The following OTC variants were observed in gnomAD, a reference collection of about 807,000 sequenced individuals.
The protein encoded by OTC is ornithine transcarbamylase, mitochondrial.
Under a neutral mutation model 30.3 loss-of-function variants are expected in OTC, and 3 were observed. That is an observed-to-expected ratio of 0.10 (90% CI 0.05 to 0.26). OTC has a LOEUF of 0.26. OTC is among the 10% of genes least tolerant of loss of function. The probability of loss-of-function intolerance (pLI) is 1.00; values close to 1 mark genes in which losing one functional copy is unlikely to be tolerated. For missense variants in OTC, 194 were observed against 260.3 expected, an observed-to-expected ratio of 0.75 and a Z score of 1.75; for synonymous variants, 111 against 99.7, an observed-to-expected ratio of 1.11 and a Z score of -0.67.
chrX:38,422,600 T>C (rs543547933), downstream of OTC, among the ~76,000 whole-genome samples: 2 of 112,275 alleles, frequency 1.8e-5, no homozygotes, highest in Non-Finnish European at 3.8e-5. Flanking sequence ...GAACTTGTAA[T>C]AATTTTCTTG....
At chrX:38,409,300 C>G (rs1453576658) in intron 8 of OTC, among the ~76,000 whole-genome samples, 1 of 111,885 alleles carries the variant, frequency 8.9e-6, no homozygotes, top group African/African-American at 3.2e-5. Flanking sequence ...GTGTTTTACT[C>G]TTTGTGTGTT....
chrX:38,346,156 A>T, the OTC span, among the ~76,000 whole-genome samples: 1 of 112,067 alleles, frequency 8.9e-6, no homozygotes, highest in Non-Finnish European at 1.9e-5. Context: ...TATTTAACAG[A>T]TATTTTACCA....
downstream of OTC, among the ~76,000 whole-genome samples, chrX:38,421,845 T>C (rs1017136597): frequency 8.9e-6 from 1 of 111,875 alleles, no homozygotes; most frequent in African/African-American, 3.2e-5. Flanking sequence ...TTTTCACATC[T>C]GTGCTTATCA....
intron 1 of OTC, among the ~76,000 whole-genome samples, chrX:38,362,860 T>C (rs1416547841): frequency 8.9e-6 from 1 of 112,010 alleles, no homozygotes; most frequent in Non-Finnish European, 1.9e-5. Flanking sequence ...CCTGTTTCCT[T>C]TTATGGAAAT....
chrX:38,345,837 G>A, the OTC span, among the ~76,000 whole-genome samples: 4 of 111,016 alleles, frequency 3.6e-5, no homozygotes, highest in South Asian at 3.8e-4. Flanking sequence ...CACCGTGCCC[G>A]ACCCTAAACC....
In OTC at chrX:38,367,531, A is replaced by G; in HGVS notation, c.216+102A>G. 3 of 706,146 alleles carry G rather than the reference A, an allele frequency of 4.2e-6. No homozygotes were observed. In the South Asian group the frequency reaches 7.1e-5, roughly 17 times the overall value. The allele number at this position is 706,146 out of a possible 1,213,427, so 58.2% of individuals were successfully genotyped here. ...GAAAAAAATACATTAAAATTCTTAA[A>G]CAGTAGCTAAGTAATGAAACCTCAC... On this transcript the variant is annotated intron_variant, in intron 2 of 9. Coordinates refer to ENST00000039007, the MANE Select transcript of OTC (RefSeq NM_000531.6).
At chrX:38,396,170 C>A (rs866920212) in intron 4 of OTC, among the ~76,000 whole-genome samples, 20 of 107,634 alleles carry the variant, frequency 1.9e-4, no homozygotes, top group Admixed American at 1.2e-3. Flanking sequence ...CCATGTTAGC[C>A]AAGCTGGTCT....
chrX:38,398,150 C>T (rs1174115487), intron 4 of OTC, among the ~76,000 whole-genome samples: 1 of 111,590 alleles, frequency 9.0e-6, no homozygotes, highest in South Asian at 3.7e-4. Flanking sequence ...AACACACCTG[C>T]CTTTTTTTCA....
At chrX:38,362,072 A>G (rs1041975211) in intron 1 of OTC, among the ~76,000 whole-genome samples, 6 of 112,168 alleles carry the variant, frequency 5.3e-5, no homozygotes, top group African/African-American at 1.9e-4. Context: ...AGAATCAAAA[A>G]TAGCCAAACT....
At chrX:38,404,232 CT>C (rs781648707) in intron 6 of OTC, among the ~76,000 whole-genome samples, 1 of 112,350 alleles carries the variant, frequency 8.9e-6, no homozygotes, top group South Asian at 3.7e-4. Context: ...GACCTTTTGG[CT>C]TAGAAAATTT....
upstream of OTC, among the ~76,000 whole-genome samples, chrX:38,348,583 A>G (rs771854235): frequency 1.2e-3 from 111 of 95,391 alleles, no homozygotes; most frequent in African/African-American, 4.3e-3. Flanking sequence ...GTCGCTCAGG[A>G]TGGAGTGCAG....
the OTC span, among the ~76,000 whole-genome samples, chrX:38,330,831 C>T: frequency 3.6e-5 from 4 of 112,195 alleles, no homozygotes; most frequent in African/African-American, 1.3e-4. Context: ...GCATCAAGGA[C>T]GTTCACATGC....
At chrX:38,331,430 TGTTTTTTTTTTG>T in the OTC span, among the ~76,000 whole-genome samples, 1 of 86,954 alleles carries the variant, frequency 1.2e-5, no homozygotes, top group African/African-American at 4.4e-5. Flanking sequence ...ATTTTTTTTT[TGTTTTTTTTTTG>T]TTTTTTTTTT....
intron 9 of OTC, among the ~76,000 whole-genome samples, chrX:38,413,246 T>G: frequency 8.9e-6 from 1 of 112,298 alleles, no homozygotes; most frequent in Non-Finnish European, 1.9e-5. Flanking sequence ...AACATTAAAG[T>G]AATATGTGTA....
At chrX:38,391,624 T>C (rs1602024998) in intron 4 of OTC, among the ~76,000 whole-genome samples, 1 of 111,554 alleles carries the variant, frequency 9.0e-6, no homozygotes, top group South Asian at 3.7e-4. Context: ...ATTATAATTA[T>C]TATTCTTATT....
At chrX:38,359,498 C>T (rs913822816) in intron 1 of OTC, among the ~76,000 whole-genome samples, 2 of 109,920 alleles carry the variant, frequency 1.8e-5, no homozygotes, top group African/African-American at 6.7e-5. Flanking sequence ...TGGCTCACTG[C>T]AACCTCTGCC....
intron 3 of OTC, among the ~76,000 whole-genome samples, chrX:38,380,990 A>G (rs1317309652): frequency 2.7e-5 from 3 of 112,286 alleles, no homozygotes; most frequent in Non-Finnish European, 5.6e-5. Context: ...CAGCCTCCCA[A>G]AGTGCTGGGA....
Position 38,408,835 on chromosome X carries a change from G to A in OTC, c.717+40G>A, listed in dbSNP as rs1257766779. 3 of 1,207,855 alleles carry A rather than the reference G, an allele frequency of 2.5e-6. No homozygotes were observed. The South Asian group carries it at 5.3e-5, about 21-fold the overall frequency. ...TGTAAAGCTATTATTGCCTTTTACTGTCCCATGAAGTTATTTAACCAGCGT... is the reference window on the plus strand; with the variant it reads ...TGTAAAGCTATTATTGCCTTTTACTATCCCATGAAGTTATTTAACCAGCGT... On this transcript the variant is annotated intron_variant, in intron 7 of 9. Coordinates refer to ENST00000039007, the MANE Select transcript of OTC (RefSeq NM_000531.6).
At chrX:38,377,190 A>G (rs1028709745) in intron 3 of OTC, among the ~76,000 whole-genome samples, 2 of 112,211 alleles carry the variant, frequency 1.8e-5, no homozygotes, top group Non-Finnish European at 3.8e-5. Flanking sequence ...ACGCGTGGAA[A>G]TTTAAAAATG....
Sources: allele counts gnomAD v4.1 joint callset (sites outside exome capture counted in the v4.1 genomes callset), GRCh38; gene constraint gnomAD v4.1.1; transcripts MANE v1.5; gene names NCBI Gene and HGNC (gene_info 2026-07-23, HGNC 2026-07-21).